The following CAPZA2 variants were observed in gnomAD, a reference collection of about 807,000 sequenced individuals.
CAPZA2 encodes the protein capping actin protein of muscle Z-line subunit alpha 2, also known as F-actin-capping protein subunit alpha-2.
A neutral mutation model predicts 44.0 loss-of-function variants in CAPZA2; 13 were observed. The observed-to-expected ratio is 0.30, with a 90% CI of 0.19 to 0.47. The LOEUF is 0.47. Among genes scored for constraint, CAPZA2 ranks in the 20% least tolerant of loss-of-function variants. The pLI, the probability that CAPZA2 is intolerant of heterozygous loss-of-function variation, is 1.00. For missense variants in CAPZA2, 244 were observed against 338.6 expected, an observed-to-expected ratio of 0.72 and a Z score of 2.19; for synonymous variants, 94 against 108.2, an observed-to-expected ratio of 0.87 and a Z score of 0.81.
At chr7:116,867,633 C>T (rs1365096276) in intron 1 of CAPZA2, among the ~76,000 whole-genome samples, 1 of 145,966 alleles carries the variant, frequency 6.9e-6, no homozygotes, top group East Asian at 2.0e-4. Context: ...ACCCAGGCTG[C>T]AGTGCAGTGG....
chr7:116,912,434 G>T (rs764235037), intron 8 of CAPZA2, among the ~76,000 whole-genome samples: 5 of 151,588 alleles, frequency 3.3e-5, no homozygotes, highest in Non-Finnish European at 7.4e-5. Flanking sequence ...ACATTTTCAT[G>T]CTCCTTAAAA....
chr7:116,871,633 G>A (rs920822899), intron 1 of CAPZA2, among the ~76,000 whole-genome samples: 6 of 152,262 alleles, frequency 3.9e-5, no homozygotes, highest in South Asian at 2.1e-4. Context: ...TTCCAGAAAC[G>A]GCATTTCAGT....
chr7:116,881,341 GA>G (rs981238886), intron 1 of CAPZA2, among the ~76,000 whole-genome samples: 1 of 152,110 alleles, frequency 6.6e-6, no homozygotes, highest in African/African-American at 2.4e-5. Flanking sequence ...TTTAAAGTTA[GA>G]AAAAATACAG....
chr7:116,913,828 A>C (rs1200534692), intron 8 of CAPZA2, among the ~76,000 whole-genome samples: 1 of 121,232 alleles, frequency 8.2e-6, no homozygotes, highest in Non-Finnish European at 1.7e-5. Context: ...TTGCCCAGCT[A>C]GTCTTGAACT....
intron 8 of CAPZA2, among the ~76,000 whole-genome samples, chr7:116,914,438 C>CACACACACAA (rs2115983629): frequency 9.9e-6 from 1 of 100,566 alleles, no homozygotes; most frequent in South Asian, 3.2e-4. Flanking sequence ...TACATACACA[C>CACACACACAA]ACACACACAC....
chr7:116,878,801 A>T (rs1796652798), intron 1 of CAPZA2, among the ~76,000 whole-genome samples: 1 of 152,094 alleles, frequency 6.6e-6, no homozygotes, highest in Admixed American at 6.6e-5. Context: ...CTAACATATA[A>T]TCACTTGAAA....
chr7:116,862,630 C>A lies in CAPZA2; in HGVS notation c.19C>A (p.Gln7Lys). The A allele has an allele frequency of 6.5e-7, 1 of 1,540,140 alleles. No homozygotes were observed. The highest frequency in any genetic ancestry group is 8.8e-7 in the Non-Finnish European group (1 of 1,142,302). Residue 7 changes from glutamine (Q) to lysine (K), a missense_variant, in exon 1 of 10, where the codon CAG (glutamine) becomes AAG (lysine). By Grantham distance (53) the Gln-to-Lys change is moderately conservative. Transcript: ENST00000361183. MADLEE[Q>K]LSDEEKVRIA... ...AAGGAAGATGGCGGATCTGGAGGAG[C>A]AGTTGTCTGATGAAGAGAAGGTAAG...
chr7:116,904,999 G>A (rs1250271575), intron 5 of CAPZA2, among the ~76,000 whole-genome samples: 4 of 122,292 alleles, frequency 3.3e-5, no homozygotes, highest in East Asian at 3.0e-4. Context: ...ACAATTAGCC[G>A]GGCGTGGTAG....
intron 1 of CAPZA2, among the ~76,000 whole-genome samples, chr7:116,865,903 G>GTA (rs2115861699): frequency 6.6e-6 from 1 of 152,236 alleles, no homozygotes; most frequent in East Asian, 1.9e-4. Context: ...GTAATACCAA[G>GTA]CAAATAGTGT....
intron 1 of CAPZA2, among the ~76,000 whole-genome samples, chr7:116,865,513 A>C (rs1796472552): frequency 6.6e-6 from 1 of 152,100 alleles, no homozygotes; most frequent in Non-Finnish European, 1.5e-5. Flanking sequence ...AACAAAATTG[A>C]TAAGAACCTC....
In CAPZA2 at chr7:116,879,138, A is replaced by AAG. The variant is rs1404855718; in HGVS notation, c.40-8988_40-8987insGA. ...TAACTCTGTCTCAAAAAAAAAAAAA[A>AAG]AAAAAAAAAAAGAAAAGAATACTGG... On this transcript the variant is annotated intron_variant, in intron 1 of 9. Transcript: ENST00000361183. Among the ~76,000 whole-genome samples, 100 of 151,202 alleles carry AAG rather than the reference A, an allele frequency of 6.6e-4. 1 individual carries two copies. The highest frequency in any genetic ancestry group is 9.6e-4 in the Non-Finnish European group (65 of 67,718).
At chr7:116,910,832 C>A (rs1489116237) in intron 7 of CAPZA2, among the ~76,000 whole-genome samples, 2 of 151,662 alleles carry the variant, frequency 1.3e-5, no homozygotes, top group Non-Finnish European at 2.9e-5. Context: ...AGTGAAACCC[C>A]ATCTCTACTA....
chr7:116,884,050 G>A (rs2115908780), intron 1 of CAPZA2, among the ~76,000 whole-genome samples: 1 of 152,128 alleles, frequency 6.6e-6, no homozygotes, highest in African/African-American at 2.4e-5. Context: ...CAATAGGAAG[G>A]GGATGGGGCA....
chr7:116,867,432 A>G (rs1025631122), intron 1 of CAPZA2, among the ~76,000 whole-genome samples: 4 of 152,152 alleles, frequency 2.6e-5, no homozygotes, highest in Admixed American at 1.3e-4. Context: ...CATTGCCTTT[A>G]CAAGGAAGCC....
intron 2 of CAPZA2, among the ~76,000 whole-genome samples, chr7:116,891,928 A>G (rs1796851116): frequency 6.6e-6 from 1 of 152,166 alleles, no homozygotes; most frequent in Admixed American, 6.5e-5. Flanking sequence ...GTCATTGTAA[A>G]CTTTCCAAAG....
intron 1 of CAPZA2, among the ~76,000 whole-genome samples, chr7:116,869,896 G>C (rs1371291352): frequency 6.6e-6 from 1 of 152,084 alleles, no homozygotes; most frequent in East Asian, 1.9e-4. Flanking sequence ...TTGAGACGGA[G>C]TGTTACTCTG....
chr7:116,916,883 T>A (rs896512631), intron 9 of CAPZA2, among the ~76,000 whole-genome samples: 1 of 152,240 alleles, frequency 6.6e-6, no homozygotes, highest in African/African-American at 2.4e-5. Flanking sequence ...ATTTTTCAGT[T>A]AGGGATGCTC....
At chr7:116,879,371 T>C (rs1472912340) in intron 1 of CAPZA2, among the ~76,000 whole-genome samples, 1 of 152,172 alleles carries the variant, frequency 6.6e-6, no homozygotes, top group East Asian at 1.9e-4. Flanking sequence ...GATTTTTGAA[T>C]GTAAATTATT....
At chr7:116,866,214 CTCGCTCTT>C (rs1420584240) in intron 1 of CAPZA2, among the ~76,000 whole-genome samples, 77 of 146,904 alleles carry the variant, frequency 5.2e-4, no homozygotes, top group African/African-American at 1.7e-3. Context: ...GAGACGGAGT[CTCGCTCTT>C]TCACCCAGGC....
Sources: allele counts gnomAD v4.1 joint callset (sites outside exome capture counted in the v4.1 genomes callset), GRCh38; gene constraint gnomAD v4.1.1; transcripts MANE v1.5; gene names NCBI Gene and HGNC (gene_info 2026-07-23, HGNC 2026-07-21).